Variants in DMXL1 observed in about 807,000 individuals in gnomAD.
DMXL1 encodes the protein Dmx like 1.
Under a neutral mutation model 319.2 loss-of-function variants are expected in DMXL1, and 99 were observed. That is an observed-to-expected ratio of 0.31 (90% CI 0.26 to 0.37). The LOEUF (loss-of-function observed/expected upper bound fraction) is 0.37. DMXL1 is among the 10% of genes least tolerant of loss of function. DMXL1 has a pLI of 1.00. For synonymous variants in DMXL1, 1,385 were observed against 1,235.2 expected, an observed-to-expected ratio of 1.12 and a Z score of -2.54; for missense variants, 3,745 against 3,595.6, an observed-to-expected ratio of 1.04 and a Z score of -1.06.
At chr5:119,111,653 G>T (rs1759628913) in intron 5 of DMXL1, among the ~76,000 whole-genome samples, 1 of 152,142 alleles carries the variant, frequency 6.6e-6, no homozygotes, top group South Asian at 2.1e-4. Context: ...TTTCTATAAA[G>T]CAAATTGTCC....
chr5:119,247,556 C>G lies in DMXL1; in HGVS notation c.*337C>G, dbSNP rs962963512. On this transcript the variant is annotated 3_prime_UTR_variant, in exon 44 of 44. Coordinates refer to ENST00000539542, the MANE Select transcript of DMXL1 (RefSeq NM_001290321.3). ...ATGAATTTCTTCCACAGTAAAAATA[C>G]GTTTTTTGTAAAGGCAATTGTACAT... 6.0e-6 allele frequency: 1 copy of G among 165,386 alleles called. No homozygotes were observed. Among genetic ancestry groups the G allele is most frequent in the African/African-American group, 2.4e-5 (1 of 41,876 alleles). The allele number at this position is 165,386 out of a possible 1,614,324, so 10.2% of individuals were successfully genotyped here. A position where few individuals can be genotyped will look rare whatever the true frequency, so the allele number is the denominator to read the frequency against.
intron 19 of DMXL1, among the ~76,000 whole-genome samples, chr5:119,155,826 C>CAAAA (rs35851317): frequency 2.7e-4 from 23 of 84,808 alleles, no homozygotes; most frequent in East Asian, 1.2e-3. Context: ...GACCCTGTCT[C>CAAAA]AAAAAAAAAA....
At chr5:119,157,578 TA>T (rs1305111678) in intron 19 of DMXL1, among the ~76,000 whole-genome samples, 1 of 152,218 alleles carries the variant, frequency 6.6e-6, no homozygotes, top group Non-Finnish European at 1.5e-5. Flanking sequence ...TTGAAGAAAC[TA>T]TCCTTTCCCA....
Position 119,109,566 on chromosome 5 carries a change from G to A in DMXL1, c.365-585G>A, listed in dbSNP as rs1273276319. On this transcript the variant is annotated intron_variant, in intron 4 of 43. Transcript: ENST00000539542. ...TTTTTTTTCTAGCCTATCTGTGTAC[G>A]TTATTCGTTAACCTATACCAGATTA... Among the ~76,000 whole-genome samples the A allele has an allele frequency of 3.9e-5, 6 of 152,078 alleles. No homozygotes were observed. In the South Asian group the frequency reaches 6.2e-4, roughly 16 times the overall value.
At chr5:119,215,903 C>T (rs1298639331) in intron 34 of DMXL1, among the ~76,000 whole-genome samples, 1 of 151,764 alleles carries the variant, frequency 6.6e-6, no homozygotes, top group East Asian at 1.9e-4. Context: ...CCAGACCAGC[C>T]TGGCCAAAAT....
rs751974695 is a variant in DMXL1, at chr5:119,239,051, A to G, written c.8622A>G (p.Ile2874Met). ...TCTTCGTTAGTTCCTCCTCTCTGAT[A>G]GCTACAGCTGGTCTTTCAACTGACA... ...DFVFVSSSSL[I>M]ATAGLSTDNR... The change falls in exon 41 of 44, where the codon ATA (isoleucine) becomes ATG (methionine). Residue 2874 changes from isoleucine to methionine, a missense_variant. By Grantham distance (10) the Ile-to-Met change is conservative (BLOSUM62 1). Coordinates refer to ENST00000539542, the MANE Select transcript of DMXL1 (RefSeq NM_001290321.3). 6.2e-7 allele frequency: 1 copy of G among 1,613,854 alleles called. No individual in the cohort carries two copies. Among genetic ancestry groups the G allele is most frequent in the Admixed American group, 1.7e-5 (1 of 60,024 alleles).
chr5:119,139,991 T>C (rs1342712038), intron 13 of DMXL1, among the ~76,000 whole-genome samples: 1 of 152,180 alleles, frequency 6.6e-6, no homozygotes, highest in Non-Finnish European at 1.5e-5. Flanking sequence ...GTCAATTACA[T>C]GGATATTAAA....
At chr5:119,120,327 A>T (rs1049929495) in intron 8 of DMXL1, among the ~76,000 whole-genome samples, 2 of 152,250 alleles carry the variant, frequency 1.3e-5, no homozygotes, top group African/African-American at 4.8e-5. Flanking sequence ...TGATTCAACA[A>T]CGAATAGAAT....
At chr5:119,184,829 T>C (rs1447170503) in intron 28 of DMXL1, among the ~76,000 whole-genome samples, 1 of 152,212 alleles carries the variant, frequency 6.6e-6, no homozygotes, top group Non-Finnish European at 1.5e-5. Context: ...TAATGCTGAA[T>C]GTTCCGTTGT....
intron 9 of DMXL1, among the ~76,000 whole-genome samples, chr5:119,123,977 A>T (rs74647859): frequency 0.041 from 6,204 of 151,100 alleles, 343 homozygotes; most frequent in African/African-American, 0.13. Flanking sequence ...TCACTGGATT[A>T]GTACATCAGT....
chr5:119,142,845 A>C, intron 13 of DMXL1, among the ~76,000 whole-genome samples: 1 of 152,156 alleles, frequency 6.6e-6, no homozygotes, highest in East Asian at 1.9e-4. Flanking sequence ...ATGATGGAAT[A>C]CTGTGCAGCC....
chr5:119,147,138 T>TGTTTACTA, intron 16 of DMXL1, 111 bp from the exon 17 acceptor site: 1 of 1,113,738 alleles, frequency 9.0e-7, no homozygotes, highest in Non-Finnish European at 1.3e-6. Context: ...CATATTAATA[T>TGTTTACTA]GTTTACTATT....
intron 1 of DMXL1, among the ~76,000 whole-genome samples, chr5:119,073,304 C>T (rs1391423213): frequency 6.6e-6 from 1 of 152,138 alleles, no homozygotes; most frequent in Non-Finnish European, 1.5e-5. Context: ...TCAAGTGATC[C>T]TCCCACTTCA....
At chr5:119,204,645 G>A (rs892484727) in intron 33 of DMXL1, among the ~76,000 whole-genome samples, 3 of 151,408 alleles carry the variant, frequency 2.0e-5, no homozygotes, top group Non-Finnish European at 4.4e-5. Flanking sequence ...CATTGGGTAA[G>A]TTTTGTTACT....
chr5:119,079,362 T>C (rs1751684020), intron 1 of DMXL1, among the ~76,000 whole-genome samples: 1 of 152,254 alleles, frequency 6.6e-6, no homozygotes. Flanking sequence ...CTTGGTGCCG[T>C]GGATCTTATC....
At chr5:119,202,727 T>C (rs1015758606) in intron 32 of DMXL1, among the ~76,000 whole-genome samples, 2 of 151,446 alleles carry the variant, frequency 1.3e-5, no homozygotes, top group African/African-American at 4.8e-5. Context: ...GGCAGGTGCC[T>C]GTAATCCCAG....
chr5:119,179,616 C>CT (rs1437430638), intron 28 of DMXL1, among the ~76,000 whole-genome samples: 1 of 152,010 alleles, frequency 6.6e-6, no homozygotes, highest in Non-Finnish European at 1.5e-5. Context: ...AAGTTATTAC[C>CT]TTGTTAAAAT....
chr5:119,191,082 T>C (rs1414452805), intron 29 of DMXL1, among the ~76,000 whole-genome samples: 1 of 152,248 alleles, frequency 6.6e-6, no homozygotes, highest in Non-Finnish European at 1.5e-5. Flanking sequence ...TTATAGCTAA[T>C]GGTAAGAGTT....
intron 1 of DMXL1, among the ~76,000 whole-genome samples, chr5:119,089,292 ATTTTTT>A (rs1157921856): frequency 4.3e-4 from 17 of 39,870 alleles, no homozygotes; most frequent in South Asian, 1.3e-3. Flanking sequence ...ATATATATAT[ATTTTTT>A]TTTTTTTTTT....
Sources: gnomAD v4.1 joint callset for allele counts (sites outside exome capture counted in the v4.1 genomes callset) on GRCh38, gnomAD v4.1.1 for gene constraint, MANE v1.5 for transcripts, NCBI Gene and HGNC (gene_info 2026-07-23, HGNC 2026-07-21) for gene names.